Variants in GRIA3 observed in about 807,000 individuals in gnomAD.
GRIA3 encodes glutamate receptor 3.
In GRIA3, 3 loss-of-function variants were observed where a neutral mutation model predicts 63.0. That is an observed-to-expected ratio of 0.05 (90% CI 0.02 to 0.12). GRIA3 has a LOEUF of 0.12. Among genes scored for constraint, GRIA3 ranks in the 10% least tolerant of loss-of-function variants. The pLI is 1.00. For synonymous variants in GRIA3, 274 were observed against 257.9 expected (o/e 1.06, Z -0.60); for missense variants, 347 against 700.9 (o/e 0.50, Z 5.70).
chrX:123,287,705 C>A (rs1315595882), intron 3 of GRIA3, among the ~76,000 whole-genome samples: 1 of 111,738 alleles, frequency 8.9e-6, no homozygotes, highest in African/African-American at 3.3e-5. Flanking sequence ...ATACAACTTA[C>A]AAGGGATGTG....
intron 3 of GRIA3, among the ~76,000 whole-genome samples, chrX:123,282,123 C>T (rs780185959): frequency 1.8e-5 from 2 of 112,254 alleles, no homozygotes; most frequent in Non-Finnish European, 3.8e-5. Context: ...TAACAAGTTC[C>T]CAGGTGATGC....
chrX:123,295,192 T>C (rs754082197), intron 3 of GRIA3, among the ~76,000 whole-genome samples: 65 of 111,952 alleles, frequency 5.8e-4, no homozygotes, highest in African/African-American at 2.0e-3. Flanking sequence ...AGGCAAACGA[T>C]AATTTTTATC....
chrX:123,477,457 A>G (rs764167409), intron 13 of GRIA3, among the ~76,000 whole-genome samples: 1 of 112,262 alleles, frequency 8.9e-6, no homozygotes, highest in East Asian at 2.8e-4. Flanking sequence ...TATCTGGTAT[A>G]ATACAGAGAA....
At chrX:123,349,611 C>G (rs1412057866) in intron 4 of GRIA3, among the ~76,000 whole-genome samples, 1 of 112,464 alleles carries the variant, frequency 8.9e-6, no homozygotes, top group Non-Finnish European at 1.9e-5. Flanking sequence ...AAAGCTTCAG[C>G]CTGTCTTTCT....
At chrX:123,343,437 T>C (rs962740827) in intron 4 of GRIA3, among the ~76,000 whole-genome samples, 1 of 111,712 alleles carries the variant, frequency 9.0e-6, no homozygotes, top group Non-Finnish European at 1.9e-5. Context: ...TGCAATACAC[T>C]TTTCAGATTT....
chrX:123,465,329 CTGTT>C (rs1432011329), intron 13 of GRIA3, among the ~76,000 whole-genome samples: 3 of 111,243 alleles, frequency 2.7e-5, no homozygotes, highest in African/African-American at 9.8e-5. Flanking sequence ...TCCTCTCTGA[CTGTT>C]TGTTGCTGTT....
chrX:123,415,570 T>C (rs185391186), intron 10 of GRIA3, among the ~76,000 whole-genome samples: 2 of 111,468 alleles, frequency 1.8e-5, no homozygotes, highest in East Asian at 5.7e-4. Context: ...CTGATAAGGA[T>C]TAGGAACTGG....
At chrX:123,412,880 A>T (rs1363046607) in intron 10 of GRIA3, among the ~76,000 whole-genome samples, 1 of 110,850 alleles carries the variant, frequency 9.0e-6, no homozygotes, top group Non-Finnish European at 1.9e-5. Flanking sequence ...ACATAGACAA[A>T]TTCCACATTT....
intron 13 of GRIA3, among the ~76,000 whole-genome samples, chrX:123,468,492 C>G (rs1340026892): frequency 5.4e-5 from 6 of 112,070 alleles, no homozygotes; most frequent in Admixed American, 1.9e-4. Flanking sequence ...CTTAAGAGAA[C>G]AAACCCTTTT....
chrX:123,420,662 G>A (rs945043225), intron 11 of GRIA3, among the ~76,000 whole-genome samples: 5 of 110,414 alleles, frequency 4.5e-5, no homozygotes, highest in African/African-American at 1.6e-4. Context: ...CCATTGGAGT[G>A]CTGCATACTA....
At chrX:123,308,125 T>C (rs1277140094) in intron 3 of GRIA3, among the ~76,000 whole-genome samples, 1 of 111,932 alleles carries the variant, frequency 8.9e-6, no homozygotes, top group Non-Finnish European at 1.9e-5. Flanking sequence ...GTCCCATCCA[T>C]AATCTCCACT....
intron 5 of GRIA3, among the ~76,000 whole-genome samples, chrX:123,363,049 TGTGTCTCTCATTA>T (rs751689981): frequency 4.4e-5 from 5 of 112,710 alleles, no homozygotes; most frequent in Non-Finnish European, 7.5e-5. Context: ...GAAAAAGACT[TGTGTCTCTCATTA>T]GCAATCTGAC....
At chrX:123,393,338 G>A (rs1344210270) in intron 5 of GRIA3, among the ~76,000 whole-genome samples, 1 of 112,233 alleles carries the variant, frequency 8.9e-6, no homozygotes, top group Non-Finnish European at 1.9e-5. Context: ...TTTAGTTTGT[G>A]AATAAATTCA....
At chrX:123,439,534 G>A (rs3848874) in intron 12 of GRIA3, among the ~76,000 whole-genome samples, 23,356 of 109,129 alleles carry the variant, frequency 0.21, 2,389 homozygotes, top group African/African-American at 0.39. Flanking sequence ...CTTCCTTTGA[G>A]TCTGGTCTGG....
chrX:123,369,993 T>C (rs1285647149), intron 5 of GRIA3, among the ~76,000 whole-genome samples: 1 of 111,899 alleles, frequency 8.9e-6, no homozygotes, highest in East Asian at 2.8e-4. Context: ...TTATTTTCCT[T>C]TTATCCTCTA....
At chrX:123,194,787 T>C (rs963827178) in intron 2 of GRIA3, among the ~76,000 whole-genome samples, 7 of 112,209 alleles carry the variant, frequency 6.2e-5, no homozygotes, top group African/African-American at 1.9e-4. Context: ...CAGATTCAGA[T>C]TGAATATTTA....
intron 4 of GRIA3, among the ~76,000 whole-genome samples, chrX:123,331,394 T>C (rs995960750): frequency 8.9e-6 from 1 of 111,733 alleles, no homozygotes; most frequent in Non-Finnish European, 1.9e-5. Flanking sequence ...GTAAGCAAGA[T>C]GAACAACATT....
intron 3 of GRIA3, among the ~76,000 whole-genome samples, chrX:123,284,919 C>G (rs192645220): frequency 1.8e-5 from 2 of 110,771 alleles, no homozygotes; most frequent in African/African-American, 6.6e-5. Context: ...AGATACTCCT[C>G]GAGAAGAGCA....
chrX:123,462,772 G>T (rs2045800179), intron 12 of GRIA3, among the ~76,000 whole-genome samples: 1 of 111,652 alleles, frequency 9.0e-6, no homozygotes, highest in African/African-American at 3.3e-5. Context: ...AGAAAGTTGG[G>T]GTGGGGGCCA....
Sources: allele counts gnomAD v4.1 joint callset (sites outside exome capture counted in the v4.1 genomes callset), GRCh38; gene constraint gnomAD v4.1.1; transcripts MANE v1.5; gene names NCBI Gene and HGNC (gene_info 2026-07-23, HGNC 2026-07-21).